The following TSPEAR variants were observed in gnomAD, a reference collection of about 807,000 sequenced individuals.
The protein encoded by TSPEAR is thrombospondin-type laminin G domain and EAR repeat-containing protein.
In TSPEAR, 69 loss-of-function variants were observed where a neutral mutation model predicts 71.6. That is an observed-to-expected ratio of 0.96 (90% CI 0.79 to 1.18). The LOEUF (loss-of-function observed/expected upper bound fraction) is 1.18. Ranked by LOEUF, TSPEAR falls within the 50% of genes most tolerant of loss-of-function variation. TSPEAR has a pLI of 0.00. For synonymous variants in TSPEAR, 402 were observed against 387.2 expected (o/e 1.04, Z -0.45); for missense variants, 971 against 894.9 (o/e 1.09, Z -1.09).
At chr21:44,507,632 G>A (rs1437068239) in intron 10 of TSPEAR, among the ~76,000 whole-genome samples, 1 of 152,240 alleles carries the variant, frequency 6.6e-6, no homozygotes, top group East Asian at 1.9e-4. Context: ...TGTTCTGTCA[G>A]TTCCCGCAGC....
intron 1 of TSPEAR, among the ~76,000 whole-genome samples, chr21:44,700,822 G>C (rs557228344): frequency 1.1e-4 from 16 of 152,310 alleles, no homozygotes; most frequent in African/African-American, 3.1e-4. Context: ...GGAAGCCTTC[G>C]TGACCTGTTT....
chr21:44,580,262 T>C, intron 1 of TSPEAR: 1 of 1,604,706 alleles, frequency 6.2e-7, no homozygotes, highest in South Asian at 1.1e-5. Flanking sequence ...TGAAGAGGAA[T>C]CCTTAGAGCA....
At chr21:44,619,269 T>C (rs868920491) in intron 1 of TSPEAR, among the ~76,000 whole-genome samples, 2 of 152,232 alleles carry the variant, frequency 1.3e-5, no homozygotes, top group Non-Finnish European at 2.9e-5. Flanking sequence ...ACTAAGCTAA[T>C]AGAACAGTGA....
rs782142824 is a variant in TSPEAR at position 44,567,959 on chromosome 21, G to A, written c.129C>T (p.Gly43=). Reference sequence around the variant, plus strand: ...GAACTATCCTGATCCCGCTTGTGGCGCCATCAGAAGGGACCACTTCCGCCA... The same window carrying A: ...GAACTATCCTGATCCCGCTTGTGGCACCATCAGAAGGGACCACTTCCGCCA... ...DILAEVVPSD[G]ATSGIRIVQV... Residue 43 remains glycine, a synonymous_variant, in exon 2 of 12, where the codon GGC becomes GGT. Transcript: ENST00000323084. The A allele has an allele frequency of 9.6e-6, 15 of 1,565,784 alleles. No homozygotes were observed. Among genetic ancestry groups the A allele is most frequent in the African/African-American group, 4.1e-5 (3 of 73,528 alleles).
intron 1 of TSPEAR, among the ~76,000 whole-genome samples, chr21:44,672,347 G>T (rs1167508547): frequency 2.0e-5 from 3 of 152,168 alleles, no homozygotes; most frequent in African/African-American, 7.2e-5. Context: ...AAGGCGGGCG[G>T]ATCACAAGGT....
At chr21:44,640,339 G>A (rs1983955024) in intron 1 of TSPEAR, among the ~76,000 whole-genome samples, 1 of 152,240 alleles carries the variant, frequency 6.6e-6, no homozygotes, top group Admixed American at 6.5e-5. Flanking sequence ...CTCAGAACAG[G>A]CAAATCCGCA....
chr21:44,600,615 C>A, intron 1 of TSPEAR: 1 of 1,610,116 alleles, frequency 6.2e-7, no homozygotes, highest in Non-Finnish European at 8.5e-7. Context: ...CCAGTTCAAT[C>A]CCCAGCATGG....
chr21:44,617,717 G>A (rs587607355), intron 1 of TSPEAR, among the ~76,000 whole-genome samples: 3 of 152,352 alleles, frequency 2.0e-5, no homozygotes, highest in Non-Finnish European at 4.4e-5. Flanking sequence ...ATATCTTATG[G>A]TTTTCTTCAG....
At chr21:44,700,781 C>T (rs114847828) in intron 1 of TSPEAR, among the ~76,000 whole-genome samples, 214 of 152,314 alleles carry the variant, frequency 1.4e-3, no homozygotes, top group African/African-American at 5.0e-3. Flanking sequence ...GATACTGCCT[C>T]GTGGCCAATA....
chr21:44,562,566 TATC>T (rs1555921241), intron 2 of TSPEAR, among the ~76,000 whole-genome samples: 1 of 152,004 alleles, frequency 6.6e-6, no homozygotes, highest in Non-Finnish European at 1.5e-5. Context: ...CAAACAGACA[TATC>T]ATAGTAAAAA....
chr21:44,533,747 C>A lies in TSPEAR; in HGVS notation c.480G>T (p.Leu160=). The change falls in exon 3 of 12, where the codon CTG becomes CTT. Residue 160 remains leucine (L), a synonymous_variant. Coordinates refer to ENST00000323084, the MANE Select transcript of TSPEAR (RefSeq NM_144991.3). ...AGACGCCTGCGGACACAGCCAGGACCAGTGTGTGCCAGCGGCCATCCACCA... is the reference window on the plus strand; with the variant it reads ...AGACGCCTGCGGACACAGCCAGGACAAGTGTGTGCCAGCGGCCATCCACCA... ...PALVDGRWHT[L]VLAVSAGVFS... 6.2e-7 allele frequency: 1 copy of A among 1,612,414 alleles called. No homozygotes were observed.
Position 44,499,845 on chromosome 21 carries a change from A to G in TSPEAR, c.1948T>C (p.Tyr650His). The G allele has an allele frequency of 6.3e-7, 1 of 1,598,228 alleles. No individual in the cohort carries two copies. The highest frequency in any genetic ancestry group is 1.7e-5 in the Admixed American group (1 of 58,388). ...TCCTTGGCGCTGGAGTAGATGAGGT[A>G]GGCACCAGCCGTGGTGCTGAAGGCC... The part of the protein sequence containing the change: ...WEAFSTTAGA[Y>H]LIYSSAKEPL... The change falls in exon 12 of 12, where the codon TAC becomes CAC. Residue 650 changes from tyrosine to histidine, a missense_variant. Physicochemically the swap from Tyr to His is moderately conservative, Grantham distance 83 (BLOSUM62 2). Transcript: ENST00000323084.
chr21:44,511,902 G>A (rs1227155758), intron 9 of TSPEAR, among the ~76,000 whole-genome samples: 1 of 152,244 alleles, frequency 6.6e-6, no homozygotes, highest in Non-Finnish European at 1.5e-5. Context: ...GGCTGAGCCG[G>A]GCATCACATC....
At chr21:44,690,571 G>A (rs1987084807) in intron 1 of TSPEAR, 1 of 985,484 alleles carries the variant, frequency 1.0e-6, no homozygotes, top group Non-Finnish European at 1.2e-6. Flanking sequence ...TGTCCGGGAG[G>A]TCAGCATTCA....
chr21:44,519,823 C>A (rs2052695126), intron 9 of TSPEAR: 1 of 152,308 alleles, frequency 6.6e-6, no homozygotes, highest in African/African-American at 2.4e-5. Context: ...TGGCAGCAAG[C>A]CCCTCTCAAG....
intron 1 of TSPEAR, among the ~76,000 whole-genome samples, chr21:44,688,777 CACCTG>C (rs1470435232): frequency 1.8e-4 from 27 of 152,256 alleles, no homozygotes; most frequent in Middle Eastern, 3.4e-3. Context: ...AGGTGGGACC[CACCTG>C]CCTGGGAGCC....
chr21:44,516,902 G>C (rs587604051), intron 9 of TSPEAR, among the ~76,000 whole-genome samples: 27 of 152,266 alleles, frequency 1.8e-4, no homozygotes, highest in Non-Finnish European at 3.5e-4. Context: ...AAACACACCA[G>C]CTCTGCATGC....
Position 44,666,547 on chromosome 21 carries a change from C to T in TSPEAR, c.82+44886G>A, listed in dbSNP as rs781888712. On this transcript the variant is annotated intron_variant, in intron 1 of 11. Coordinates refer to ENST00000323084, the MANE Select transcript of TSPEAR (RefSeq NM_144991.3). ...GACTGGCAGGACGGAGCCGCATACA[C>T]GACAGGCCTGCAGCTCACAGGCACG... The T allele has an allele frequency of 5.9e-5, 95 of 1,612,954 alleles. No individual in the cohort carries two copies. The highest frequency in any genetic ancestry group is 1.2e-4 in the African/African-American group (9 of 74,844).
chr21:44,543,830 G>T (rs910664244), intron 2 of TSPEAR, among the ~76,000 whole-genome samples: 5 of 152,190 alleles, frequency 3.3e-5, no homozygotes, highest in African/African-American at 4.8e-5. Context: ...CTGGCCCTAA[G>T]AACTATGACA....
Sources: allele counts gnomAD v4.1 joint callset (sites outside exome capture counted in the v4.1 genomes callset), GRCh38; gene constraint gnomAD v4.1.1; transcripts MANE v1.5; gene names NCBI Gene and HGNC (gene_info 2026-07-23, HGNC 2026-07-21).